Variants in CFAP299 observed in about 807,000 individuals in gnomAD.
CFAP299 encodes cilia and flagella associated protein 299, also known as cilia- and flagella-associated protein 299.
CFAP299 carries 21 observed loss-of-function variants against 27.0 expected under a neutral mutation model. The observed-to-expected ratio is 0.78, with a 90% CI of 0.55 to 1.12. CFAP299 has a LOEUF of 1.12. Among genes scored for constraint, CFAP299 ranks in the 50% most tolerant of loss-of-function variants. CFAP299 has a pLI of 0.00. For synonymous variants in CFAP299, 104 were observed against 98.1 expected (o/e 1.06, Z -0.36); for missense variants, 310 against 276.6 (o/e 1.12, Z -0.86).
At chr4:80,920,155 C>T (rs554151160) in intron 4 of CFAP299, among the ~76,000 whole-genome samples, 17 of 147,872 alleles carry the variant, frequency 1.1e-4, no homozygotes, top group Non-Finnish European at 2.2e-4. Flanking sequence ...GATGAGAACA[C>T]TTTCCTGAGA....
intron 3 of CFAP299, among the ~76,000 whole-genome samples, chr4:80,625,777 A>G (rs1027587857): frequency 3.9e-5 from 6 of 152,106 alleles, no homozygotes; most frequent in Non-Finnish European, 5.9e-5. Context: ...GTAAAACTGT[A>G]AAAAGAAAAA....
At chr4:80,729,176 A>G (rs1461420113) in intron 3 of CFAP299, among the ~76,000 whole-genome samples, 1 of 152,218 alleles carries the variant, frequency 6.6e-6, no homozygotes, top group Non-Finnish European at 1.5e-5. Flanking sequence ...TAGGCAGAGC[A>G]GTAGTTAAGT....
intron 4 of CFAP299, among the ~76,000 whole-genome samples, chr4:80,876,202 C>T (rs962443156): frequency 2.7e-5 from 4 of 150,672 alleles, no homozygotes; most frequent in Non-Finnish European, 5.9e-5. Flanking sequence ...TTACAACAAC[C>T]TTATAGGTTA....
intron 3 of CFAP299, among the ~76,000 whole-genome samples, chr4:80,623,695 A>C (rs752536630): frequency 9.9e-5 from 15 of 152,162 alleles, no homozygotes; most frequent in Non-Finnish European, 1.9e-4. Flanking sequence ...CAGGGAAAAG[A>C]GAAGAAAGTG....
In CFAP299 at chr4:80,921,137, C is replaced by CT. The variant is rs940495763; in HGVS notation, c.477-23673_477-23672insT. Reference sequence around the variant, plus strand: ...TGGGGAGAACAGTTCGGTATACTCTCGACACATCATTTATTACTTTATTTT... The same window carrying CT: ...TGGGGAGAACAGTTCGGTATACTCTCTGACACATCATTTATTACTTTATTTT... On this transcript the variant is annotated intron_variant, in intron 4 of 5. Coordinates refer to ENST00000358105, the MANE Select transcript of CFAP299 (RefSeq NM_152770.3). Among the ~76,000 whole-genome samples, 23 of 152,084 alleles carry CT rather than the reference C, an allele frequency of 1.5e-4. 1 individual carries two copies. Among genetic ancestry groups the CT allele is most frequent in the African/African-American group, 5.5e-4 (23 of 41,514 alleles).
chr4:80,792,036 A>G (rs1384145395), intron 3 of CFAP299, among the ~76,000 whole-genome samples: 2 of 152,076 alleles, frequency 1.3e-5, no homozygotes, highest in Admixed American at 6.6e-5. Flanking sequence ...AATAAAATTT[A>G]TCTGAACATT....
chr4:80,335,438 T>TG (rs1353580138), upstream of CFAP299, among the ~76,000 whole-genome samples: 1 of 152,236 alleles, frequency 6.6e-6, no homozygotes, highest in East Asian at 1.9e-4. Flanking sequence ...AGAATGCAAT[T>TG]GGGAGCTAAT....
intron 3 of CFAP299, among the ~76,000 whole-genome samples, chr4:80,696,128 C>T (rs566338610): frequency 6.6e-6 from 1 of 151,906 alleles, no homozygotes; most frequent in Admixed American, 6.6e-5. Context: ...GGTGAAACCC[C>T]ATCTCTACTA....
intron 2 of CFAP299, among the ~76,000 whole-genome samples, chr4:80,534,316 G>GAA (rs769690513): frequency 7.3e-5 from 8 of 109,250 alleles, no homozygotes; most frequent in Non-Finnish European, 1.6e-4. Flanking sequence ...TCACTCTGTG[G>GAA]AAAAAAAAAA....
At chr4:80,493,979 G>C (rs572483888) in intron 2 of CFAP299, among the ~76,000 whole-genome samples, 17 of 151,644 alleles carry the variant, frequency 1.1e-4, no homozygotes, top group Admixed American at 9.2e-4. Flanking sequence ...GTTTCACCTT[G>C]TTAGCCAGGA....
chr4:80,500,728 G>A (rs1375538464), intron 2 of CFAP299, among the ~76,000 whole-genome samples: 1 of 152,036 alleles, frequency 6.6e-6, no homozygotes, highest in Non-Finnish European at 1.5e-5. Context: ...TCAAAGCATG[G>A]CACCAGAGCA....
intron 1 of CFAP299, among the ~76,000 whole-genome samples, chr4:80,358,267 G>A (rs1372623525): frequency 6.6e-6 from 1 of 152,002 alleles, no homozygotes; most frequent in Non-Finnish European, 1.5e-5. Context: ...TTATGTGGTC[G>A]ATTTCAGAAT....
At chr4:80,865,378 A>C (rs1374618078) in intron 3 of CFAP299, among the ~76,000 whole-genome samples, 1 of 152,164 alleles carries the variant, frequency 6.6e-6, no homozygotes, top group Non-Finnish European at 1.5e-5. Flanking sequence ...AAATATAAAT[A>C]AGGCAGTGAA....
intron 2 of CFAP299, among the ~76,000 whole-genome samples, chr4:80,538,969 T>C (rs6813764): frequency 0.3 from 45,864 of 152,106 alleles, 8,412 homozygotes; most frequent in African/African-American, 0.52. Context: ...GGTTTTTAGT[T>C]GGCTTTCCAG....
intron 3 of CFAP299, among the ~76,000 whole-genome samples, chr4:80,664,383 C>G (rs982928393): frequency 5.3e-5 from 8 of 152,068 alleles, no homozygotes; most frequent in African/African-American, 1.9e-4. Context: ...GAGAGAGGAT[C>G]TTTATCTATA....
At chr4:80,525,162 A>G (rs1319402575) in intron 2 of CFAP299, among the ~76,000 whole-genome samples, 1 of 152,102 alleles carries the variant, frequency 6.6e-6, no homozygotes, top group African/African-American at 2.4e-5. Flanking sequence ...CTCATATCAC[A>G]TAATGTCATG....
intron 3 of CFAP299, among the ~76,000 whole-genome samples, chr4:80,671,381 T>G (rs1246079045): frequency 6.6e-6 from 1 of 152,204 alleles, no homozygotes; most frequent in Non-Finnish European, 1.5e-5. Context: ...CATGCTGTTT[T>G]GGTTACAAAA....
At chr4:80,688,659 G>A (rs539061374) in intron 3 of CFAP299, among the ~76,000 whole-genome samples, 2 of 152,218 alleles carry the variant, frequency 1.3e-5, no homozygotes, top group South Asian at 2.1e-4. Context: ...AAGGAACGCA[G>A]TTCCTCACCA....
At chr4:80,824,676 G>T (rs1402590340) in intron 3 of CFAP299, among the ~76,000 whole-genome samples, 1 of 152,104 alleles carries the variant, frequency 6.6e-6, no homozygotes, top group East Asian at 1.9e-4. Context: ...AATCAGAAAA[G>T]ATGTGAGAGG....
Sources: allele counts gnomAD v4.1 joint callset (sites outside exome capture counted in the v4.1 genomes callset), GRCh38; gene constraint gnomAD v4.1.1; transcripts MANE v1.5; gene names NCBI Gene and HGNC (gene_info 2026-07-23, HGNC 2026-07-21).